The following PARVB variants were observed in gnomAD, a reference collection of about 807,000 sequenced individuals.
The protein encoded by PARVB is beta-parvin.
Under a neutral mutation model 47.0 loss-of-function variants are expected in PARVB, and 46 were observed. The observed-to-expected ratio is 0.98, with a 90% confidence interval of 0.77 to 1.25. PARVB has a LOEUF of 1.25. PARVB is among the 50% of genes most tolerant of loss of function. The pLI is 0.00. For missense variants in PARVB, 473 were observed against 471.6 expected (o/e 1.00, Z -0.03); for synonymous variants, 196 against 196.3 (o/e 1.00, Z 0.01).
At chr22:44,131,377 A>G in intron 4 of PARVB, 110 bp from the exon 5 acceptor site, 1 of 1,130,196 alleles carries the variant, frequency 8.8e-7, no homozygotes, top group Non-Finnish European at 1.3e-6. Context: ...CCTGGCCTGA[A>G]GTGATTCACC....
chr22:44,152,101 T>C (rs1478672909), intron 10 of PARVB: 3 of 152,960 alleles, frequency 2.0e-5, no homozygotes, highest in African/African-American at 7.2e-5. Flanking sequence ...CCAGATACGG[T>C]CACATTCAGA....
intron 2 of PARVB, among the ~76,000 whole-genome samples, chr22:44,016,749 C>T (rs560718718): frequency 6.6e-6 from 1 of 152,302 alleles, no homozygotes; most frequent in South Asian, 2.1e-4. Flanking sequence ...CAACTGTAAC[C>T]TGTCATGTGA....
At chr22:44,080,571 C>T (rs1001024196) in intron 1 of PARVB, among the ~76,000 whole-genome samples, 1 of 152,206 alleles carries the variant, frequency 6.6e-6, no homozygotes, top group African/African-American at 2.4e-5. Flanking sequence ...GCTAATCTCC[C>T]ACCCCAAGGT....
At position 44,053,384 on chromosome 22, in the gene PARVB, A is replaced by G. The variant is rs143827631; in HGVS notation, c.112+28933A>G. Among the ~76,000 whole-genome samples the G allele has an allele frequency of 9.5e-3, 1,411 of 148,010 alleles. 10 individuals are homozygous for G. The highest frequency in any genetic ancestry group is 0.015 in the Admixed American group (233 of 15,084). The stretch of plus-strand genomic sequence containing the variant: ...GGCATGAGCCACCGCGCCCAGCCTG[A>G]TGTTACATTTTCTAGAAGTTCTCAG... On this transcript the variant is annotated intron_variant, in intron 1 of 12. Coordinates refer to ENST00000338758, the MANE Select transcript of PARVB (RefSeq NM_013327.5).
chr22:44,033,285 G>A (rs968632517), intron 1 of PARVB, among the ~76,000 whole-genome samples: 4 of 152,046 alleles, frequency 2.6e-5, no homozygotes, highest in Non-Finnish European at 4.4e-5. Context: ...CAACTGATCC[G>A]CCCACCTCGG....
At chr22:44,140,701 G>A in intron 8 of PARVB, 6 of 445,764 alleles carry the variant, frequency 1.3e-5, no homozygotes, top group East Asian at 6.2e-5. Context: ...CTCTCCCCAG[G>A]CAGGGGCTGC....
At chr22:44,118,357 C>G (rs1485041873) in intron 3 of PARVB, among the ~76,000 whole-genome samples, 1 of 152,160 alleles carries the variant, frequency 6.6e-6, no homozygotes, top group South Asian at 2.1e-4. Context: ...AAGCCAAATC[C>G]GTGGAGAGGG....
chr22:44,132,984 T>C lies in PARVB; in HGVS notation c.608T>C (p.Val203Ala), dbSNP rs775191492. The change falls in exon 6 of 13, where the codon GTA becomes GCA. Residue 203 changes from valine to alanine, a missense_variant. Transcript: ENST00000338758. ...GCCCCCATCCGCCTTCCTGAGCATG[T>C]AACGGTGCAGGTGGTGGTCGTGCGG... The part of the protein sequence containing the change: ...FRAPIRLPEH[V>A]TVQVVVVRKR... 6.2e-7 allele frequency: 1 copy of C among 1,613,970 alleles called. No homozygotes were observed. The highest frequency in any genetic ancestry group is 8.5e-7 in the Non-Finnish European group (1 of 1,179,902).
chr22:44,086,383 G>A lies in PARVB; in HGVS notation c.113-7545G>A, dbSNP rs1431279900. Among the ~76,000 whole-genome samples the A allele has an allele frequency of 2.0e-5, 3 of 152,192 alleles. No individual in the cohort carries two copies. In the East Asian group the frequency reaches 5.8e-4, roughly 29 times the overall value. On this transcript the variant is annotated intron_variant, in intron 1 of 12. Transcript: ENST00000338758. ...CTGCTCTCTGGCACTGTTAGCCTTT[G>A]CTGCCTTTTATCCTAGGCAAGACAC...
intron 1 of PARVB, among the ~76,000 whole-genome samples, chr22:44,076,514 T>C (rs1032737416): frequency 6.6e-6 from 1 of 152,202 alleles, no homozygotes; most frequent in Non-Finnish European, 1.5e-5. Flanking sequence ...AGCCTCAACA[T>C]AGCAGGAAGT....
At chr22:44,129,153 T>C (rs564193824) in intron 4 of PARVB, among the ~76,000 whole-genome samples, 47 of 152,204 alleles carry the variant, frequency 3.1e-4, no homozygotes, top group African/African-American at 1.0e-3. Flanking sequence ...TAATTCAATA[T>C]GTCTAGGGTT....
intron 2 of PARVB, among the ~76,000 whole-genome samples, chr22:43,999,843 A>AAAAAC (rs1285609578): frequency 1.4e-5 from 2 of 138,232 alleles, no homozygotes; most frequent in Non-Finnish European, 3.0e-5. Context: ...TGAAAAAAAA[A>AAAAAC]AAAAAAAAAA....
rs979730586 is a variant in PARVB at position 43,999,846 on chromosome 22, A to AAC, written c.211+174_211+175insCA. Among the ~76,000 whole-genome samples the AAC allele has an allele frequency of 2.9e-3, 274 of 95,798 alleles. 6 individuals carry two copies. In the East Asian group the frequency reaches 0.093, roughly 32 times the overall value. The allele number at this position is 95,798 out of a possible 152,430, so 62.8% of individuals were successfully genotyped here. A position where few individuals can be genotyped will look rare whatever the true frequency, so the allele number is the denominator to read the frequency against. On this transcript the variant is annotated intron_variant, in intron 2 of 13. Transcript: ENST00000406477. Reference sequence around the variant, plus strand: ...AACCCATCTATATGAAAAAAAAAAAAAAAAAAAAAAAACAGCTGGGTGTGG... The same window carrying AAC: ...AACCCATCTATATGAAAAAAAAAAAAACAAAAAAAAAAAACAGCTGGGTGTGG...
At chr22:44,016,939 G>C (rs777867384) in intron 2 of PARVB, among the ~76,000 whole-genome samples, 28 of 152,222 alleles carry the variant, frequency 1.8e-4, no homozygotes, top group Middle Eastern at 3.4e-3. Context: ...ACAATGGCAT[G>C]ATCTTAGCTC....
At chr22:44,008,759 G>C (rs558072767) in intron 2 of PARVB, among the ~76,000 whole-genome samples, 15 of 152,096 alleles carry the variant, frequency 9.9e-5, no homozygotes, top group African/African-American at 3.1e-4. Context: ...GCCGAGGCAG[G>C]CGGATCACGA....
chr22:44,118,037 T>C (rs1279426245), intron 3 of PARVB, among the ~76,000 whole-genome samples: 2 of 152,078 alleles, frequency 1.3e-5, no homozygotes, highest in African/African-American at 4.8e-5. Context: ...GAAAATCTCT[T>C]GTGAAAAGGC....
intron 1 of PARVB, among the ~76,000 whole-genome samples, chr22:44,027,408 C>T (rs373692664): frequency 2.0e-5 from 3 of 152,148 alleles, no homozygotes; most frequent in Admixed American, 2.0e-4. Context: ...GTGGAGTGCT[C>T]CACACATTTG....
chr22:44,168,829 C>T lies in PARVB; in HGVS notation c.*151C>T. 1 of 602,094 alleles carries T rather than the reference C, an allele frequency of 1.7e-6. No homozygotes were observed. The highest frequency in any genetic ancestry group is 3.0e-6 in the Non-Finnish European group (1 of 333,952). 37.3% of individuals were successfully genotyped at this position (602,094 alleles called of 1,614,324 possible). A position where few individuals can be genotyped will look rare whatever the true frequency, so the allele number is the denominator to read the frequency against. On this transcript the variant is annotated 3_prime_UTR_variant, in exon 13 of 13. Coordinates refer to ENST00000338758, the MANE Select transcript of PARVB (RefSeq NM_013327.5). The stretch of plus-strand genomic sequence containing the variant: ...CACCCCACCCCTACCTCACGCCTGC[C>T]CCACCCCCTGCCTCTTTTGGTTGTT...
chr22:44,013,015 G>C (rs1025244003), intron 2 of PARVB, among the ~76,000 whole-genome samples: 2 of 151,980 alleles, frequency 1.3e-5, no homozygotes, highest in African/African-American at 4.8e-5. Context: ...TCGTGCCTCA[G>C]CCTCCCAAGT....
Sources: gnomAD v4.1 joint callset for allele counts (sites outside exome capture counted in the v4.1 genomes callset) on GRCh38, gnomAD v4.1.1 for gene constraint, MANE v1.5 for transcripts, NCBI Gene and HGNC (gene_info 2026-07-23, HGNC 2026-07-21) for gene names.